RFC3: variants seen among roughly 807,000 people sequenced by gnomAD.
RFC3 encodes A1 38 kDa subunit.
Under a neutral mutation model 45.1 loss-of-function variants are expected in RFC3, and 41 were observed. The observed-to-expected ratio is 0.91, with a 90% confidence interval of 0.71 to 1.18. The LOEUF (loss-of-function observed/expected upper bound fraction) is 1.18, where lower values mean the gene tolerates loss of function less well. Ranked by LOEUF, RFC3 falls within the 50% of genes most tolerant of loss-of-function variation. The pLI, the probability that RFC3 is intolerant of heterozygous loss-of-function variation, is 0.00. For synonymous variants in RFC3, 149 were observed against 144.0 expected, an observed-to-expected ratio of 1.03 and a Z score of -0.25; for missense variants, 423 against 428.1, an observed-to-expected ratio of 0.99 and a Z score of 0.10.
chr13:33,940,861 T>C (rs1047145435), intron 8 of RFC3, among the ~76,000 whole-genome samples: 2 of 152,244 alleles, frequency 1.3e-5, no homozygotes. Flanking sequence ...TTATGAACTC[T>C]GTAGCACGTT....
exon 9 of RFC3, chr13:33,966,236 G>A (rs1566045658): frequency 1.2e-6 from 1 of 820,520 alleles, no homozygotes; most frequent in Non-Finnish European, 2.1e-6. Context: ...CTGCTTCAGA[G>A]CTCAAGATTC....
chr13:33,966,275 G>A, exon 9 of RFC3: 4 of 675,330 alleles, frequency 5.9e-6, no homozygotes, highest in Non-Finnish European at 1.1e-5. Context: ...TATTTCCTGA[G>A]AAAATCCCTC....
chr13:33,885,994 C>T (rs1322272945), intron 8 of RFC3, among the ~76,000 whole-genome samples: 1 of 151,832 alleles, frequency 6.6e-6, no homozygotes, highest in Non-Finnish European at 1.5e-5. Context: ...TTCTGGGTGA[C>T]TGCCATGGAG....
At chr13:33,927,068 T>C (rs1012942125) in intron 8 of RFC3, among the ~76,000 whole-genome samples, 3 of 152,032 alleles carry the variant, frequency 2.0e-5, no homozygotes, top group Non-Finnish European at 4.4e-5. Flanking sequence ...TATATATTCC[T>C]CCCTGACCTC....
rs760697304 is a variant in RFC3 at position 33,823,994 on chromosome 13, T to C, written c.293+10T>C. 17 of 1,361,962 alleles carry C rather than the reference T, an allele frequency of 1.2e-5. No homozygotes were observed. Among genetic ancestry groups the C allele is most frequent in the Non-Finnish European group, 1.6e-5 (16 of 980,506 alleles). The allele number at this position is 1,361,962 out of a possible 1,614,324, so 84.4% of individuals were successfully genotyped here. On this transcript the variant is annotated intron_variant, in intron 3 of 8. Transcript: ENST00000380071. ...TTGAAGTTAATCCTAGGTAAGTTACTACTATATAGAAATTAAGTATTTTTA... is the reference window on the plus strand; with the variant it reads ...TTGAAGTTAATCCTAGGTAAGTTACCACTATATAGAAATTAAGTATTTTTA...
chr13:33,932,946 G>T (rs957280001), intron 8 of RFC3, among the ~76,000 whole-genome samples: 7 of 152,122 alleles, frequency 4.6e-5, no homozygotes, highest in African/African-American at 1.4e-4. Context: ...TCCATAATCT[G>T]CATGCCAACT....
In RFC3 at chr13:33,836,402, C is replaced by T. The variant is rs1053960; in HGVS notation, c.*107C>T. On this transcript the variant is annotated 3_prime_UTR_variant, in exon 9 of 9. Coordinates refer to ENST00000380071, the MANE Select transcript of RFC3 (RefSeq NM_002915.4). ...ACTGAACTTAATCATGTCGTATTTG[C>T]GTTTTTTTGGTAATAACTTCTCTGT... is the stretch of plus-strand genomic sequence containing the variant. 3.1e-5 allele frequency: 46 copies of T among 1,494,200 alleles called. No individual in the cohort carries two copies. The Middle Eastern group carries it at 6.6e-4, about 21-fold the overall frequency. The allele number at this position is 1,494,200 out of a possible 1,614,324, so 92.6% of individuals were successfully genotyped here.
At chr13:33,951,120 G>A (rs1053524423) in intron 8 of RFC3, among the ~76,000 whole-genome samples, 2 of 143,058 alleles carry the variant, frequency 1.4e-5, no homozygotes, top group African/African-American at 5.2e-5. Flanking sequence ...TCACTCTCTG[G>A]TTTTCTTTTC....
At chr13:33,824,062 C>A in intron 3 of RFC3, 78 bp downstream of exon 3, 1 of 682,882 alleles carries the variant, frequency 1.5e-6, no homozygotes, top group Non-Finnish European at 2.4e-6. Context: ...AGATTGAAAC[C>A]CTTTTTTGAA....
At chr13:33,826,005 G>T (rs879030072) in intron 4 of RFC3, 119 bp downstream of exon 4, 4 of 452,174 alleles carry the variant, frequency 8.8e-6, no homozygotes, top group Non-Finnish European at 1.6e-5. Flanking sequence ...GGAGTTTATA[G>T]TCTAATGGAA....
At position 33,830,775 on chromosome 13, in the gene RFC3, A is replaced by G. The variant is rs1805376; in HGVS notation, c.630A>G (p.Gln210=). The G allele has an allele frequency of 0.016, 26,283 of 1,613,254 alleles. 456 individuals are homozygous for G. Among genetic ancestry groups the G allele is most frequent in the African/African-American group, 0.071 (5,295 of 75,006 alleles). The stretch of plus-strand genomic sequence containing the variant: ...AGGAAGGTCTGAATCTTCCTTCACA[A>G]CTGGCTCATAGACTTGCAGAGAAGT... The part of the protein sequence containing the change: ...CKKEGLNLPS[Q]LAHRLAEKSC... The change falls in exon 6 of 9, where the codon CAA becomes CAG. Residue 210 remains glutamine (Q), a synonymous_variant. Transcript: ENST00000380071.
At chr13:33,972,313 T>C in the RFC3 span, among the ~76,000 whole-genome samples, 1 of 152,178 alleles carries the variant, frequency 6.6e-6, no homozygotes, top group Non-Finnish European at 1.5e-5. Flanking sequence ...CAACTACAGC[T>C]TCTCCTTTAT....
intron 8 of RFC3, among the ~76,000 whole-genome samples, chr13:33,921,707 C>T (rs1408926153): frequency 6.6e-6 from 1 of 151,930 alleles, no homozygotes; most frequent in Non-Finnish European, 1.5e-5. Flanking sequence ...GGAATGGAGC[C>T]CTGGGAGGGA....
At chr13:33,944,894 C>G (rs553008406) in intron 8 of RFC3, among the ~76,000 whole-genome samples, 4 of 152,134 alleles carry the variant, frequency 2.6e-5, no homozygotes, top group Admixed American at 6.6e-5. Context: ...AGATTAACCC[C>G]TTGGAAACAA....
At chr13:33,924,627 CCAT>C (rs1314856134) in intron 8 of RFC3, among the ~76,000 whole-genome samples, 8 of 148,644 alleles carry the variant, frequency 5.4e-5, no homozygotes, top group Non-Finnish European at 1.0e-4. Context: ...TATATACACA[CCAT>C]CATTTATTGA....
At chr13:33,975,785 T>C in the RFC3 span, among the ~76,000 whole-genome samples, 1 of 152,194 alleles carries the variant, frequency 6.6e-6, no homozygotes, top group African/African-American at 2.4e-5. Context: ...CTGAAACCCC[T>C]ATACATGTAT....
At chr13:33,903,867 A>T (rs9315269) in intron 8 of RFC3, among the ~76,000 whole-genome samples, 13 of 151,994 alleles carry the variant, frequency 8.6e-5, no homozygotes, top group African/African-American at 3.1e-4. Flanking sequence ...ACAGAAACTC[A>T]GTATCTCATT....
At chr13:33,926,063 A>T (rs1024305850) in intron 8 of RFC3, among the ~76,000 whole-genome samples, 1 of 151,994 alleles carries the variant, frequency 6.6e-6, no homozygotes, top group African/African-American at 2.4e-5. Flanking sequence ...TTGTTGGGAC[A>T]TGGATGAAAT....
intron 8 of RFC3, among the ~76,000 whole-genome samples, chr13:33,907,339 G>A (rs1378660760): frequency 6.6e-6 from 1 of 152,058 alleles, no homozygotes; most frequent in African/African-American, 2.4e-5. Context: ...CTGGATTGCT[G>A]TGTTTGCCAT....
Sources: allele counts gnomAD v4.1 joint callset (sites outside exome capture counted in the v4.1 genomes callset), GRCh38; gene constraint gnomAD v4.1.1; transcripts MANE v1.5; gene names NCBI Gene and HGNC (gene_info 2026-07-23, HGNC 2026-07-21).